The following RASA3 variants were observed in gnomAD, a reference collection of about 807,000 sequenced individuals.
RASA3 encodes ras GTPase-activating protein 3.
RASA3 carries 73 observed loss-of-function variants against 110.0 expected under a neutral mutation model. That is an observed-to-expected ratio of 0.66 (90% CI 0.55 to 0.81). The LOEUF (loss-of-function observed/expected upper bound fraction) is 0.81, where lower values mean the gene tolerates loss of function less well. RASA3 is among the 30% of genes least tolerant of loss of function. The pLI is 0.00. For synonymous variants in RASA3, 500 were observed against 451.4 expected (o/e 1.11, Z -1.37); for missense variants, 976 against 1,113.2 (o/e 0.88, Z 1.75).
chr13:114,070,559 C>G lies in RASA3; in HGVS notation c.173+3161G>C, dbSNP rs186642918. Among the ~76,000 whole-genome samples, 792 of 152,308 alleles carry G rather than the reference C, an allele frequency of 5.2e-3. 3 individuals are homozygous for G. Among genetic ancestry groups the G allele is most frequent in the Non-Finnish European group, 8.5e-3 (578 of 68,014 alleles). ...CCCTCACACTACAGGGGCGGCCAGCCCGCACAGCCCTCCAAATGGACAGGG... is the reference window on the plus strand; with the variant it reads ...CCCTCACACTACAGGGGCGGCCAGCGCGCACAGCCCTCCAAATGGACAGGG... On this transcript the variant is annotated intron_variant, in intron 2 of 23. Transcript: ENST00000334062.
intron 3 of RASA3, among the ~76,000 whole-genome samples, chr13:114,050,691 C>T (rs2079130201): frequency 1.3e-5 from 2 of 152,218 alleles, no homozygotes; most frequent in Non-Finnish European, 1.5e-5. Flanking sequence ...TGTGGAGGCC[C>T]GGGACATGGC....
chr13:113,980,053 CTGTGTGCACCTCCTCCCATG>C (rs2052878754), intron 23 of RASA3, among the ~76,000 whole-genome samples: 1 of 142,924 alleles, frequency 7.0e-6, no homozygotes, highest in South Asian at 2.2e-4. Flanking sequence ...TGTGTGCCTC[CTGTGTGCACCTCCTCCCATG>C]TGTGTGCACC....
intron 4 of RASA3, among the ~76,000 whole-genome samples, chr13:114,039,425 C>T (rs1437652098): frequency 6.6e-6 from 1 of 152,104 alleles, no homozygotes; most frequent in Non-Finnish European, 1.5e-5. Flanking sequence ...TGCCACAACC[C>T]TACACTCAGA....
At chr13:114,040,648 C>T (rs1313400035) in intron 4 of RASA3, among the ~76,000 whole-genome samples, 4 of 141,360 alleles carry the variant, frequency 2.8e-5, no homozygotes, top group Non-Finnish European at 6.2e-5. Flanking sequence ...AAATCCATGG[C>T]AGAGCCTGCG....
chr13:114,024,949 A>G (rs2054000513), intron 7 of RASA3, among the ~76,000 whole-genome samples: 2 of 152,184 alleles, frequency 1.3e-5, no homozygotes, highest in African/African-American at 2.4e-5. Flanking sequence ...TGAAGGGTCG[A>G]GGCTCCGGGA....
At chr13:114,050,559 A>G (rs2079127789) in intron 3 of RASA3, among the ~76,000 whole-genome samples, 1 of 152,236 alleles carries the variant, frequency 6.6e-6, no homozygotes, top group South Asian at 2.1e-4. Context: ...CACTGGCCTT[A>G]TCAATGCCAG....
chr13:114,023,424 C>G (rs1191003629), intron 8 of RASA3, among the ~76,000 whole-genome samples: 1 of 152,212 alleles, frequency 6.6e-6, no homozygotes, highest in Non-Finnish European at 1.5e-5. Context: ...CTTCTCTGTC[C>G]AGCATGGGAA....
Position 113,977,926 on chromosome 13 carries a change from C to A in RASA3, c.*1421G>T, listed in dbSNP as rs1161386347. ...CCCCAACAGCTGTGTGTCCAAAAGT[C>A]TATTTTTACAACATTTTCCTCCAGT... On this transcript the variant is annotated 3_prime_UTR_variant, in exon 24 of 24. Coordinates refer to ENST00000334062, the MANE Select transcript of RASA3 (RefSeq NM_007368.4). 7 of 152,336 alleles carry A rather than the reference C, an allele frequency of 4.6e-5. No homozygotes were observed. Among genetic ancestry groups the A allele is most frequent in the African/African-American group, 1.7e-4 (7 of 41,452 alleles). 9.4% of individuals were successfully genotyped at this position (152,336 alleles called of 1,614,324 possible).
At chr13:114,010,810 T>TGGGGAGGAGGGGGCCGCGAGGGGAGG (rs1225559439) in intron 16 of RASA3, among the ~76,000 whole-genome samples, 3 of 11,040 alleles carry the variant, frequency 2.7e-4, no homozygotes, top group Non-Finnish European at 3.9e-4. Flanking sequence ...GCGAGGGGAG[T>TGGGGAGGAGGGGGCCGCGAGGGGAGG]AGGGGGCTGC....
intron 1 of RASA3, among the ~76,000 whole-genome samples, chr13:114,123,309 G>T (rs927993580): frequency 2.0e-5 from 3 of 152,190 alleles, no homozygotes; most frequent in African/African-American, 7.2e-5. Context: ...CACCTCGAGG[G>T]TTTGGAACCA....
In RASA3 at chr13:114,056,461, G is replaced by A. The variant is rs999377635; in HGVS notation, c.174-4306C>T. On this transcript the variant is annotated intron_variant, in intron 2 of 23. Transcript: ENST00000334062. The surrounding 1 kb of genome is among the most constrained non-coding windows in gnomAD (Gnocchi z 5.7). ...TCTGATGAAACGAAACTAACCCCAG[G>A]GCTTGGGCAGCAGGGCTGAGAGTGC... 11 of 985,256 alleles carry A rather than the reference G, an allele frequency of 1.1e-5. No homozygotes were observed. In the African/African-American group the frequency reaches 1.9e-4, roughly 17 times the overall value. 61.0% of individuals were successfully genotyped at this position (985,256 alleles called of 1,614,324 possible). A position where few individuals can be genotyped will look rare whatever the true frequency, so the allele number is the denominator to read the frequency against.
chr13:114,013,020 A>C (rs1420217534), intron 15 of RASA3, 122 bp downstream of exon 15: 13 of 726,140 alleles, frequency 1.8e-5, no homozygotes, highest in Non-Finnish European at 6.8e-6. Flanking sequence ...CTGATTCCTC[A>C]CACACTCCCC....
In RASA3 at chr13:114,112,670, G is replaced by C. The variant is rs1260899023; in HGVS notation, c.55+19765C>G. On this transcript the variant is annotated intron_variant, in intron 1 of 23. Coordinates refer to ENST00000334062, the MANE Select transcript of RASA3 (RefSeq NM_007368.4). The surrounding 1 kb of genome is among the most constrained non-coding windows in gnomAD (Gnocchi z 4.8). Reference sequence around the variant, plus strand: ...GGGTGGGGGTATGCCAGCTCTCCCTGCTTGCCCTGGTCCCACACACTCAGG... The same window carrying C: ...GGGTGGGGGTATGCCAGCTCTCCCTCCTTGCCCTGGTCCCACACACTCAGG... Among the ~76,000 whole-genome samples, 8 of 151,918 alleles carry C rather than the reference G, an allele frequency of 5.3e-5. No individual in the cohort carries two copies. Among genetic ancestry groups the C allele is most frequent in the Non-Finnish European group, 1.2e-4 (8 of 67,974 alleles).
Position 114,114,774 on chromosome 13 carries a change from T to C in RASA3, c.55+17661A>G, listed in dbSNP as rs1227526964. Among the ~76,000 whole-genome samples the C allele has an allele frequency of 6.6e-6, 1 of 152,236 alleles. No homozygotes were observed. The highest frequency in any genetic ancestry group is 1.5e-5 in the Non-Finnish European group (1 of 68,044). ...TAAACACGCTCCCTCCAAAGCTTACTTGGCTTTGATTTTTCAACCACCCGC... is the reference window on the plus strand; with the variant it reads ...TAAACACGCTCCCTCCAAAGCTTACCTGGCTTTGATTTTTCAACCACCCGC... On this transcript the variant is annotated intron_variant, in intron 1 of 23. Coordinates refer to ENST00000334062, the MANE Select transcript of RASA3 (RefSeq NM_007368.4). The surrounding 1 kb of genome is among the most constrained non-coding windows in gnomAD (Gnocchi z 4.8).
chr13:114,030,124 T>C (rs2054119315), intron 4 of RASA3, among the ~76,000 whole-genome samples: 1 of 152,256 alleles, frequency 6.6e-6, no homozygotes, highest in African/African-American at 2.4e-5. Flanking sequence ...CCCAGGCTCC[T>C]GGCTCTGCTG....
rs1361514851 is a variant in RASA3 at position 114,011,228 on chromosome 13, C to T, written c.1533G>A (p.Thr511=). The T allele has an allele frequency of 8.1e-5, 131 of 1,612,554 alleles. 1 individual carries two copies. Among genetic ancestry groups the T allele is most frequent in the Middle Eastern group, 3.3e-4 (2 of 6,076 alleles). ...GAACGGTCTTGGAGATCAATGTCAG[C>T]GTCCTGGACGTCTGGGGGTCCTGGG... ...PHHTDPQTSR[T]LTLISKTVQT... is the part of the protein sequence containing the mutation. The change falls in exon 16 of 24, where the codon ACG becomes ACA. Residue 511 remains threonine (T), a synonymous_variant. Coordinates refer to ENST00000334062, the MANE Select transcript of RASA3 (RefSeq NM_007368.4). The surrounding 1 kb of genome is among the most constrained non-coding windows in gnomAD (Gnocchi z 4.8).
chr13:114,067,004 A>AACCTGGGCTGAGGACGGGCCCCCCG lies in RASA3; in HGVS notation c.173+6715_173+6716insCGGGGGGCCCGTCCTCAGCCCAGGT, dbSNP rs2079465047. On this transcript the variant is annotated intron_variant, in intron 2 of 23. Coordinates refer to ENST00000334062, the MANE Select transcript of RASA3 (RefSeq NM_007368.4). ...TACCTGGGCTGAGGACGGGCCCCCC[A>AACCTGGGCTGAGGACGGGCCCCCCG]ACCTGGGCTGAGGACGGGCCCCCTG... is the stretch of plus-strand genomic sequence containing the variant. Among the ~76,000 whole-genome samples the AACCTGGGCTGAGGACGGGCCCCCCG allele has an allele frequency of 5.9e-5, 8 of 135,632 alleles. 4 individuals carry two copies. Among genetic ancestry groups the AACCTGGGCTGAGGACGGGCCCCCCG allele is most frequent in the African/African-American group, 2.3e-4 (8 of 35,480 alleles). The allele number at this position is 135,632 out of a possible 152,430, so 89.0% of individuals were successfully genotyped here.
At chr13:114,055,534 C>T (rs1370160267) in intron 2 of RASA3, among the ~76,000 whole-genome samples, 1 of 152,246 alleles carries the variant, frequency 6.6e-6, no homozygotes. Context: ...ATATTCACGA[C>T]AAGGCCTCAG....
At position 114,046,443 on chromosome 13, in the gene RASA3, G is replaced by A. The variant is rs551848084; in HGVS notation, c.278-5349C>T. 2.0e-5 allele frequency among the ~76,000 whole-genome samples: 3 copies of A among 152,320 alleles called. No homozygotes were observed. In the South Asian group the frequency reaches 6.2e-4, roughly 32 times the overall value. ...GCAGAGAAGGGTTCCCCATAGGCAG[G>A]GTGTTGAGAGTGGCACCTCCGGGCA... On this transcript the variant is annotated intron_variant, in intron 3 of 23. Transcript: ENST00000334062.
Sources: allele counts gnomAD v4.1 joint callset (sites outside exome capture counted in the v4.1 genomes callset), GRCh38; gene constraint gnomAD v4.1.1; non-coding constraint Gnocchi (gnomAD v3.1); transcripts MANE v1.5; gene names NCBI Gene and HGNC (gene_info 2026-07-23, HGNC 2026-07-21).